SMC1B: variants seen among roughly 807,000 people sequenced by gnomAD.
SMC1B encodes structural maintenance of chromosomes 1B.
A neutral mutation model predicts 157.9 loss-of-function variants in SMC1B; 60 were observed. That is an observed-to-expected ratio of 0.38 (90% CI 0.31 to 0.47). The LOEUF (loss-of-function observed/expected upper bound fraction) is 0.47. Ranked by LOEUF, SMC1B falls within the 20% of genes least tolerant of loss-of-function variation. The probability of loss-of-function intolerance (pLI) is 0.99; values close to 1 mark genes in which losing one functional copy is unlikely to be tolerated. For synonymous variants in SMC1B, 445 were observed against 483.0 expected, an observed-to-expected ratio of 0.92 and a Z score of 1.03; for missense variants, 1,165 against 1,426.2, an observed-to-expected ratio of 0.82 and a Z score of 2.95.
At chr22:45,349,140 A>G (rs1209065081) in intron 23 of SMC1B, among the ~76,000 whole-genome samples, 2 of 144,850 alleles carry the variant, frequency 1.4e-5, no homozygotes, top group Non-Finnish European at 3.0e-5. Flanking sequence ...TCAGCCTCCC[A>G]AGTAGCTGGG....
At chr22:45,396,628 C>T (rs1226985491) in intron 6 of SMC1B, 142 bp from the exon 7 acceptor site, 2 of 492,224 alleles carry the variant, frequency 4.1e-6, no homozygotes, top group Admixed American at 8.6e-5. Context: ...CGACCACCTT[C>T]CCCCGGTAAA....
At chr22:45,383,407 C>T in intron 12 of SMC1B, 60 bp downstream of exon 12, 1 of 1,313,658 alleles carries the variant, frequency 7.6e-7, no homozygotes, top group South Asian at 1.9e-5. Flanking sequence ...AAAAACCCAC[C>T]TAGTTTAAAA....
chr22:45,359,419 C>T (rs1439546357), intron 18 of SMC1B, among the ~76,000 whole-genome samples: 1 of 152,212 alleles, frequency 6.6e-6, no homozygotes, highest in African/African-American at 2.4e-5. Flanking sequence ...TGGAGATACT[C>T]AGTAGGGCAC....
intron 23 of SMC1B, among the ~76,000 whole-genome samples, chr22:45,349,015 ATT>A (rs1183927337): frequency 2.2e-4 from 22 of 99,666 alleles, no homozygotes; most frequent in Admixed American, 4.2e-4. Flanking sequence ...ACAAGGACTG[ATT>A]TTTTTTTTTT....
chr22:45,367,295 T>C (rs573706273), intron 15 of SMC1B, among the ~76,000 whole-genome samples: 36 of 152,318 alleles, frequency 2.4e-4, no homozygotes, highest in African/African-American at 8.4e-4. Flanking sequence ...CTTTTCTTTT[T>C]TCCCCGCTGA....
chr22:45,359,715 G>A (rs1006996269), intron 18 of SMC1B, 90 bp downstream of exon 18: 4 of 1,401,714 alleles, frequency 2.9e-6, no homozygotes, highest in South Asian at 1.4e-5. Flanking sequence ...CACCCCTAAA[G>A]GGGCTACAGA....
rs1208351040 is a variant in SMC1B at position 45,389,809 on chromosome 22, A to C, written c.1634T>G (p.Ile545Ser). The change falls in exon 10 of 25, where the codon ATT becomes AGT. Residue 545 changes from isoleucine to serine, a missense_variant. Physicochemically the swap from Ile to Ser is moderately radical, Grantham distance 142 (BLOSUM62 -2). Transcript: ENST00000357450. Reference sequence around the variant, plus strand: ...TGCTACCTTTTCAGAGGCTACAACAATGGCAGTGATGAACCGGCCAAAAAC... The same window carrying C: ...TGCTACCTTTTCAGAGGCTACAACACTGGCAGTGATGAACCGGCCAAAAAC... ...TKVFGRFITA[I>S]VVASEKVAKD... 1 of 1,614,090 alleles carries C rather than the reference A, an allele frequency of 6.2e-7. No homozygotes were observed. Among genetic ancestry groups the C allele is most frequent in the Admixed American group, 1.7e-5 (1 of 60,022 alleles).
chr22:45,406,504 T>A lies in SMC1B; in HGVS notation c.571A>T (p.Asn191Tyr). The A allele has an allele frequency of 1.2e-6, 2 of 1,612,330 alleles. No individual in the cohort carries two copies. The highest frequency in any genetic ancestry group is 1.7e-4 in the Middle Eastern group (1 of 6,056). The change falls in exon 4 of 25, where the codon AAT (asparagine) becomes TAT (tyrosine). Residue 191 changes from asparagine to tyrosine, a missense_variant. By Grantham distance (143) the Asn-to-Tyr change is moderately radical (BLOSUM62 -2). Transcript: ENST00000357450. Reference protein sequence around the residue: ...DAQFNFNKKKNIAAERRQAKL... With the variant: ...DAQFNFNKKKYIAAERRQAKL... Reference sequence around the variant, plus strand: ...GCTTGTCTGCGCTCTGCCGCTATATTTTTTTTCTTATTAAAGTTAAACTGT... The same window carrying A: ...GCTTGTCTGCGCTCTGCCGCTATATATTTTTTCTTATTAAAGTTAAACTGT...
chr22:45,412,302 G>C (rs2087348218), intron 1 of SMC1B, among the ~76,000 whole-genome samples: 1 of 151,932 alleles, frequency 6.6e-6, no homozygotes. Context: ...CCGGGTTCAA[G>C]CGATTCTCCT....
At chr22:45,388,999 A>AAAAG (rs1555930067) in intron 10 of SMC1B, among the ~76,000 whole-genome samples, 2 of 150,476 alleles carry the variant, frequency 1.3e-5, no homozygotes, top group East Asian at 1.9e-4. Context: ...AAAAAAAAAA[A>AAAAG]AAAAAGAAAA....
intron 9 of SMC1B, among the ~76,000 whole-genome samples, chr22:45,391,641 C>T (rs6007018): frequency 0.49 from 74,934 of 151,632 alleles, 21,771 homozygotes; most frequent in African/African-American, 0.82. Context: ...TCACCTCCTC[C>T]GAGCAACAGT....
At position 45,358,720 on chromosome 22, in the gene SMC1B, T is replaced by G; in HGVS notation, c.2938A>C (p.Ser980Arg). Reference protein sequence around the residue: ...EKEEAFEIDYSSLKEDLKALQ... With the variant: ...EKEEAFEIDYRSLKEDLKALQ... ...ACCTTCAAATCCTCTTTTAGAGAGC[T>G]GTAGTCTATTTCAAAGGCTTCTTCT... Residue 980 changes from serine (S) to arginine (R), a missense_variant, in exon 19 of 25, where the codon AGC (serine) becomes CGC (arginine). By Grantham distance (110) the Ser-to-Arg change is moderately radical. Transcript: ENST00000357450. The G allele has an allele frequency of 1.2e-6, 2 of 1,611,124 alleles. No individual in the cohort carries two copies. The highest frequency in any genetic ancestry group is 1.7e-6 in the Non-Finnish European group (2 of 1,177,764).
chr22:45,352,220 C>CA (rs34136195), intron 22 of SMC1B, among the ~76,000 whole-genome samples: 1,812 of 122,520 alleles, frequency 0.015, 29 homozygotes, highest in African/African-American at 0.055. Context: ...ACTCTGTCTC[C>CA]AAAAAAAAAA....
chr22:45,359,302 G>A (rs888954889), intron 18 of SMC1B, among the ~76,000 whole-genome samples: 6 of 152,112 alleles, frequency 3.9e-5, no homozygotes, highest in Admixed American at 6.5e-5. Flanking sequence ...ATCCAAATGT[G>A]GTGAAAAAGA....
chr22:45,411,673 G>C (rs932284247), intron 1 of SMC1B, among the ~76,000 whole-genome samples: 1 of 152,090 alleles, frequency 6.6e-6, no homozygotes, highest in African/African-American at 2.4e-5. Context: ...TGCAGCCTCT[G>C]CCTCCCAGGT....
chr22:45,348,345 A>G (rs1361584736), intron 23 of SMC1B, among the ~76,000 whole-genome samples: 2 of 151,670 alleles, frequency 1.3e-5, no homozygotes, highest in East Asian at 1.9e-4. Context: ...TGAGCCCAAG[A>G]GTTTGAGACC....
At chr22:45,407,111 A>G (rs2087271125) in intron 2 of SMC1B, among the ~76,000 whole-genome samples, 1 of 152,192 alleles carries the variant, frequency 6.6e-6, no homozygotes. Flanking sequence ...CCTAGTCAGG[A>G]TGTAAAAGGA....
chr22:45,407,170 C>T (rs1230602640), intron 2 of SMC1B, among the ~76,000 whole-genome samples: 2 of 152,126 alleles, frequency 1.3e-5, no homozygotes, highest in Non-Finnish European at 1.5e-5. Context: ...GAAAAGTCAA[C>T]CTGGGAACTA....
At chr22:45,346,480 G>A (rs1319090388) in intron 23 of SMC1B, among the ~76,000 whole-genome samples, 3 of 152,146 alleles carry the variant, frequency 2.0e-5, no homozygotes, top group East Asian at 1.9e-4. Context: ...TCTAACAAAG[G>A]TAATACCAAC....
Sources: allele counts gnomAD v4.1 joint callset (sites outside exome capture counted in the v4.1 genomes callset), GRCh38; gene constraint gnomAD v4.1.1; transcripts MANE v1.5; gene names NCBI Gene and HGNC (gene_info 2026-07-23, HGNC 2026-07-21).